The following SLC39A6 variants were observed in gnomAD, a reference collection of about 807,000 sequenced individuals.
SLC39A6 encodes the protein zinc transporter ZIP6.
Under a neutral mutation model 63.5 loss-of-function variants are expected in SLC39A6, and 51 were observed. The observed-to-expected ratio is 0.80, with a 90% CI of 0.64 to 1.01. The LOEUF is 1.01. Among genes scored for constraint, SLC39A6 ranks in the 50% least tolerant of loss-of-function variants. The probability of loss-of-function intolerance (pLI) is 0.00; values close to 1 mark genes in which losing one functional copy is unlikely to be tolerated. For missense variants in SLC39A6, 805 were observed against 927.8 expected (o/e 0.87, Z 1.72); for synonymous variants, 318 against 324.7 (o/e 0.98, Z 0.22).
At chr18:36,127,915 A>G (rs1305566139) in intron 1 of SLC39A6, among the ~76,000 whole-genome samples, 1 of 152,106 alleles carries the variant, frequency 6.6e-6, no homozygotes, top group Non-Finnish European at 1.5e-5. Flanking sequence ...CCCAGCCTCA[A>G]ATAAGTGTAT....
intron 6 of SLC39A6, among the ~76,000 whole-genome samples, chr18:36,115,832 C>A (rs2089340941): frequency 6.6e-6 from 1 of 152,064 alleles, no homozygotes. Flanking sequence ...ACAAGATATG[C>A]CAAGCAAACA....
Position 36,126,272 on chromosome 18 carries a change from C to T in SLC39A6, c.736G>A (p.Glu246Lys), listed in dbSNP as rs117497867. The change falls in exon 2 of 10, where the codon GAG (glutamate) becomes AAG (lysine). Residue 246 changes from glutamate (E) to lysine (K), a missense_variant. By Grantham distance (56) the Glu-to-Lys change is moderately conservative (BLOSUM62 1). Transcript: ENST00000269187. ...AGRKTNESVS[E>K]PRKGFMYSRN... The stretch of plus-strand genomic sequence containing the variant: ...GAATACATAAAGCCTTTTCGGGGCT[C>T]ACTCACAGATTCATTTGTTTTCCTA... The T allele has an allele frequency of 2.3e-3, 3,774 of 1,614,216 alleles. 6 individuals are homozygous for T. Among genetic ancestry groups the T allele is most frequent in the Middle Eastern group, 3.8e-3 (23 of 6,062 alleles).
At chr18:36,111,282 CA>C in intron 8 of SLC39A6, 33 bp from the exon 9 acceptor site, 1 of 1,597,910 alleles carries the variant, frequency 6.3e-7, no homozygotes, top group African/African-American at 1.3e-5. Flanking sequence ...AGGAAAAAGT[CA>C]TTGAGAAATC....
At chr18:36,121,594 T>C (rs370461559) in intron 5 of SLC39A6, among the ~76,000 whole-genome samples, 4 of 152,132 alleles carry the variant, frequency 2.6e-5, no homozygotes, top group African/African-American at 4.8e-5. Context: ...TTTGACTTCA[T>C]ACCATTTCTG....
In SLC39A6 at chr18:36,111,273, G is replaced by A. The variant is rs2089297873; in HGVS notation, c.1925-24C>T. On this transcript the variant is annotated intron_variant, in intron 8 of 9. Transcript: ENST00000269187. ...ACCTTTAACAGAAAACAAAAAAGGA[G>A]GAAAAAGTCATTGAGAAATCATTTT... 4 of 1,602,654 alleles carry A rather than the reference G, an allele frequency of 2.5e-6. No homozygotes were observed. In the East Asian group the frequency reaches 6.7e-5, roughly 27 times the overall value.
intron 6 of SLC39A6, among the ~76,000 whole-genome samples, chr18:36,115,298 C>T (rs2089334931): frequency 6.6e-6 from 1 of 151,450 alleles, no homozygotes; most frequent in Non-Finnish European, 1.5e-5. Context: ...AAAAAATAGC[C>T]AGGCATGGTG....
At chr18:36,115,671 G>A (rs1041829135) in intron 6 of SLC39A6, among the ~76,000 whole-genome samples, 8 of 152,094 alleles carry the variant, frequency 5.3e-5, no homozygotes, top group African/African-American at 1.7e-4. Context: ...TGCATGGCCC[G>A]GAGACAAGCC....
rs755447564 is a variant in SLC39A6 at position 36,126,194 on chromosome 18, A to C, written c.789+25T>G. The C allele has an allele frequency of 5.0e-6, 8 of 1,596,312 alleles. No individual in the cohort carries two copies. In the African/African-American group the frequency reaches 1.1e-4, roughly 21 times the overall value. ...ACAGGACAGACACACAGGTATATTA[A>C]AATAATGAACAGCACTCATCTTACC... On this transcript the variant is annotated intron_variant, in intron 2 of 9. Coordinates refer to ENST00000269187, the MANE Select transcript of SLC39A6 (RefSeq NM_012319.4).
rs2089327945 is a variant in SLC39A6 at position 36,114,480 on chromosome 18, A to C, written c.1466-6T>G. 6.2e-7 allele frequency: 1 copy of C among 1,601,256 alleles called. No homozygotes were observed. The highest frequency in any genetic ancestry group is 1.7e-5 in the Admixed American group (1 of 59,408). On this transcript the variant is annotated splice_region_variant and splice_polypyrimidine_tract_variant and intron_variant, in intron 6 of 9. Coordinates refer to ENST00000269187, the MANE Select transcript of SLC39A6 (RefSeq NM_012319.4). ...TCGTAAATAGCCTTCAGTTCCTAGG[A>C]ATAAACATAAAGGGCATGGGGACAG...
chr18:36,127,077 C>T, intron 1 of SLC39A6, 61 bp from the exon 2 acceptor site: 1 of 1,391,722 alleles, frequency 7.2e-7, no homozygotes, highest in Non-Finnish European at 9.7e-7. Context: ...AATTAAGAAA[C>T]CTCATACTGA....
At position 36,111,089 on chromosome 18, in the gene SLC39A6, G is replaced by A. The variant is rs1263371505; in HGVS notation, c.2085C>T (p.Gly695=). The change falls in exon 9 of 10, where the codon GGC becomes GGT. Residue 695 remains glycine, a synonymous_variant. Transcript: ENST00000269187. ...VSMWIFALTA[G]LFMYVALVDM... ...CAACCAGAGCAACATACATGAATAA[G>A]CCAGCAGTAAGTGCAAATATCCACA... 3 of 1,614,006 alleles carry A rather than the reference G, an allele frequency of 1.9e-6. No homozygotes were observed. Among genetic ancestry groups the A allele is most frequent in the Non-Finnish European group, 2.5e-6 (3 of 1,179,862 alleles).
intron 5 of SLC39A6, among the ~76,000 whole-genome samples, chr18:36,120,072 G>A (rs2089379587): frequency 6.6e-6 from 1 of 151,890 alleles, no homozygotes; most frequent in African/African-American, 2.4e-5. Flanking sequence ...TTTTTTAAAT[G>A]TAAGAAAAAC....
intron 4 of SLC39A6, among the ~76,000 whole-genome samples, chr18:36,122,967 CT>C (rs1240388265): frequency 6.6e-6 from 1 of 152,158 alleles, no homozygotes; most frequent in Non-Finnish European, 1.5e-5. Flanking sequence ...ACTTGAAAAC[CT>C]TTAATGGGAA....
At position 36,124,687 on chromosome 18, in the gene SLC39A6, G is replaced by A. The variant is rs2089421692; in HGVS notation, c.803C>T (p.Ser268Leu). The change falls in exon 3 of 10, where the codon TCA (serine) becomes TTA (leucine). Residue 268 changes from serine (S) to leucine (L), a missense_variant. By Grantham distance (145) the Ser-to-Leu change is moderately radical. Coordinates refer to ENST00000269187, the MANE Select transcript of SLC39A6 (RefSeq NM_012319.4). ...CATGCCATGAGATGTCAGTAGCTTT[G>A]ATGCATTGAAACACTGAAAGAAACA... ...NENPQECFNA[S>L]KLLTSHGMGI... The A allele has an allele frequency of 6.5e-7, 1 of 1,548,216 alleles. No homozygotes were observed. Among genetic ancestry groups the A allele is most frequent in the Non-Finnish European group, 8.8e-7 (1 of 1,130,532 alleles).
chr18:36,122,276 G>C lies in SLC39A6; in HGVS notation c.1141-6C>G, dbSNP rs778880247. ...TGGTGGTGACTTGCATGAGACTGAA[G>C]GCAAAATAATTTGTTATTTATAAAT... On this transcript the variant is annotated splice_region_variant and splice_polypyrimidine_tract_variant and intron_variant, in intron 4 of 9. Transcript: ENST00000269187. The C allele has an allele frequency of 6.3e-7, 1 of 1,591,056 alleles. No individual in the cohort carries two copies. The highest frequency in any genetic ancestry group is 1.1e-5 in the South Asian group (1 of 88,156).
rs750996088 is a variant in SLC39A6, at chr18:36,116,787, A to G, written c.1360-8T>C. 1.3e-6 allele frequency: 2 copies of G among 1,580,476 alleles called. No individual in the cohort carries two copies. The highest frequency in any genetic ancestry group is 8.7e-7 in the Non-Finnish European group (1 of 1,151,432). ...TTCAGGTTTCTTCTGATTCTAAAAT[A>G]GTGAGGGAAAACAATACTTTAAAAC... is the stretch of plus-strand genomic sequence containing the variant. On this transcript the variant is annotated splice_region_variant and splice_polypyrimidine_tract_variant and intron_variant, in intron 5 of 9. Transcript: ENST00000269187.
chr18:36,116,823 T>C, intron 5 of SLC39A6, 44 bp from the exon 6 acceptor site: 1 of 1,378,600 alleles, frequency 7.3e-7, no homozygotes, highest in East Asian at 2.3e-5. Flanking sequence ...AGTAATTTGT[T>C]TATATGTACA....
chr18:36,122,100 A>G lies in SLC39A6; in HGVS notation c.1311T>C (p.Val437=), dbSNP rs753389220. The part of the protein sequence containing the change: ...ALGGLYFMFL[V]EHVLTLIKQF... ...GTTTGATCAATGTGAGGACATGTTC[A>G]ACAAGAAACATGAAATACAGGCCTC... The change falls in exon 5 of 10, where the codon GTT becomes GTC. Residue 437 remains valine (V), a synonymous_variant. Coordinates refer to ENST00000269187, the MANE Select transcript of SLC39A6 (RefSeq NM_012319.4). 1.2e-6 allele frequency: 2 copies of G among 1,613,846 alleles called. No individual in the cohort carries two copies. Among genetic ancestry groups the G allele is most frequent in the African/African-American group, 2.7e-5 (2 of 74,932 alleles).
At chr18:36,113,491 CAGGCCT>C (rs1469452826) in intron 7 of SLC39A6, among the ~76,000 whole-genome samples, 1 of 152,158 alleles carries the variant, frequency 6.6e-6, no homozygotes, top group Non-Finnish European at 1.5e-5. Flanking sequence ...GAGCCAAGGC[CAGGCCT>C]AGCTATAACA....
Sources: allele counts gnomAD v4.1 joint callset (sites outside exome capture counted in the v4.1 genomes callset), GRCh38; gene constraint gnomAD v4.1.1; transcripts MANE v1.5; gene names NCBI Gene and HGNC (gene_info 2026-07-23, HGNC 2026-07-21).